MOSPD2: variants seen among roughly 807,000 people sequenced by gnomAD.
MOSPD2 encodes motile sperm domain containing 2.
Under a neutral mutation model 41.7 loss-of-function variants are expected in MOSPD2, and 5 were observed. That is an observed-to-expected ratio of 0.12 (90% CI 0.06 to 0.25). MOSPD2 has a LOEUF of 0.25. MOSPD2 is among the 10% of genes least tolerant of loss of function. The pLI is 1.00. For synonymous variants in MOSPD2, 115 were observed against 126.9 expected, an observed-to-expected ratio of 0.91 and a Z score of 0.63; for missense variants, 282 against 375.2, an observed-to-expected ratio of 0.75 and a Z score of 2.05.
intron 3 of MOSPD2, among the ~76,000 whole-genome samples, chrX:14,894,270 G>A (rs867481934): frequency 2.8e-5 from 3 of 106,298 alleles, no homozygotes; most frequent in Admixed American, 2.0e-4. Flanking sequence ...TAGCTGGGAC[G>A]ACAGGCATGT....
At chrX:14,889,183 T>A (rs1017343604) in intron 2 of MOSPD2, among the ~76,000 whole-genome samples, 1 of 110,897 alleles carries the variant, frequency 9.0e-6, no homozygotes. Context: ...GGAACCCTTA[T>A]GGCCTAATCA....
At chrX:14,889,628 C>G (rs997803609) in intron 2 of MOSPD2, among the ~76,000 whole-genome samples, 1 of 109,731 alleles carries the variant, frequency 9.1e-6, no homozygotes, top group Non-Finnish European at 1.9e-5. Flanking sequence ...GCCTAGCTGT[C>G]AAATCTTTGT....
chrX:14,918,269 C>T (rs747201445), intron 13 of MOSPD2, among the ~76,000 whole-genome samples: 19 of 111,714 alleles, frequency 1.7e-4, no homozygotes, highest in African/African-American at 5.8e-4. Flanking sequence ...TGATGGCTTG[C>T]TTTTCTATAA....
At chrX:14,899,045 A>G (rs1364900598) in intron 5 of MOSPD2, among the ~76,000 whole-genome samples, 3 of 106,582 alleles carry the variant, frequency 2.8e-5, no homozygotes, top group Admixed American at 1.0e-4. Flanking sequence ...AAGAAATGCA[A>G]TCATTTAAAA....
At chrX:14,893,577 T>A (rs779777576) in intron 3 of MOSPD2, among the ~76,000 whole-genome samples, 1 of 112,132 alleles carries the variant, frequency 8.9e-6, no homozygotes, top group African/African-American at 3.2e-5. Flanking sequence ...TGGCATAACT[T>A]CTGTTTTCAG....
Position 14,920,018 on chromosome X carries a change from G to A in MOSPD2, c.*209G>A, listed in dbSNP as rs2092606841. 1.1e-6 allele frequency: 1 copy of A among 901,966 alleles called. No homozygotes were observed. The highest frequency in any genetic ancestry group is 2.1e-5 in the African/African-American group (1 of 48,246). The allele number at this position is 901,966 out of a possible 1,213,427, so 74.3% of individuals were successfully genotyped here. ...GAGAAATTGATTATAAGAGACTATAGCTATTTAGTAAAGTAAGTAAAGGCA... is the reference window on the plus strand; with the variant it reads ...GAGAAATTGATTATAAGAGACTATAACTATTTAGTAAAGTAAGTAAAGGCA... On this transcript the variant is annotated 3_prime_UTR_variant, in exon 15 of 15. Coordinates refer to ENST00000380492, the MANE Select transcript of MOSPD2 (RefSeq NM_152581.4).
chrX:14,920,758 GGTTA>G lies in MOSPD2; in HGVS notation c.*953_*956del, dbSNP rs1269911324. The G allele has an allele frequency of 2.7e-6, 2 of 750,797 alleles. No individual in the cohort carries two copies. The highest frequency in any genetic ancestry group is 4.7e-5 in the African/African-American group (2 of 42,975). 61.9% of individuals were successfully genotyped at this position (750,797 alleles called of 1,213,427 possible). A position where few individuals can be genotyped will look rare whatever the true frequency, so the allele number is the denominator to read the frequency against. On this transcript the variant is annotated 3_prime_UTR_variant, in exon 15 of 15. Transcript: ENST00000380492. ...GTATTAGATATAAATTTTTTTGAAA[GGTTA>G]GTTGTTTGAGATGCTAAGCAGGATA...
At chrX:14,886,846 A>C (rs1270444798) in intron 2 of MOSPD2, among the ~76,000 whole-genome samples, 1 of 112,095 alleles carries the variant, frequency 8.9e-6, no homozygotes, top group African/African-American at 3.2e-5. Flanking sequence ...GCTGAAGTTG[A>C]AGAATCACTG....
At chrX:14,906,730 TA>T (rs927989989) in intron 7 of MOSPD2, among the ~76,000 whole-genome samples, 2 of 111,737 alleles carry the variant, frequency 1.8e-5, no homozygotes, top group Non-Finnish European at 3.8e-5. Flanking sequence ...AATGCAATGT[TA>T]AAAAGACAAG....
In MOSPD2 at chrX:14,922,024, A is replaced by G. The variant is rs887277321; in HGVS notation, c.*2215A>G. 2 of 111,609 alleles carry G rather than the reference A, an allele frequency of 1.8e-5. No homozygotes were observed. The highest frequency in any genetic ancestry group is 3.8e-5 in the Non-Finnish European group (2 of 53,165). The allele number at this position is 111,609 out of a possible 1,213,427, so 9.2% of individuals were successfully genotyped here. On this transcript the variant is annotated 3_prime_UTR_variant, in exon 15 of 15. Transcript: ENST00000380492. ...ACCTTGATCTGCAAGTAGCCTAAAA[A>G]TGCGATTGCTGGTAAACCTGGCCTC...
chrX:14,877,529 A>G (rs1341631677), intron 2 of MOSPD2, among the ~76,000 whole-genome samples: 1 of 109,080 alleles, frequency 9.2e-6, no homozygotes, highest in African/African-American at 3.3e-5. Flanking sequence ...TTTAATAGAG[A>G]TGCGGTTTCT....
At chrX:14,883,055 C>T (rs765670655) in intron 2 of MOSPD2, among the ~76,000 whole-genome samples, 1 of 110,239 alleles carries the variant, frequency 9.1e-6, no homozygotes, top group South Asian at 3.9e-4. Flanking sequence ...ATTAGCCGGT[C>T]GTGGTGGTGG....
At chrX:14,877,918 C>A (rs1416042575) in intron 2 of MOSPD2, among the ~76,000 whole-genome samples, 2 of 106,356 alleles carry the variant, frequency 1.9e-5, no homozygotes, top group African/African-American at 6.9e-5. Context: ...GTGGAGCTTG[C>A]AGTGAGCACA....
intron 2 of MOSPD2, among the ~76,000 whole-genome samples, chrX:14,876,370 A>G (rs2092520166): frequency 8.9e-6 from 1 of 112,078 alleles, no homozygotes; most frequent in African/African-American, 3.2e-5. Flanking sequence ...TTCCTAAAGG[A>G]AAATATTTAT....
chrX:14,911,212 C>T (rs1265480245), intron 8 of MOSPD2, 25 bp from the exon 9 acceptor site: 19 of 1,158,605 alleles, frequency 1.6e-5, no homozygotes, highest in Non-Finnish European at 1.9e-5. Flanking sequence ...ATTTAGTAGG[C>T]TCATGTGAAA....
At chrX:14,877,740 G>A (rs1401005112) in intron 2 of MOSPD2, among the ~76,000 whole-genome samples, 2 of 106,834 alleles carry the variant, frequency 1.9e-5, no homozygotes, top group Non-Finnish European at 3.9e-5. Context: ...TTGGGAGGCC[G>A]AGGCGGGTGG....
intron 5 of MOSPD2, 56 bp from the exon 6 acceptor site, chrX:14,900,519 G>C: frequency 1.7e-6 from 1 of 572,207 alleles, no homozygotes; most frequent in Non-Finnish European, 2.7e-6. Context: ...CTTTAGAAAT[G>C]TGCAATTTTA....
chrX:14,917,021 A>C (rs748235654), intron 13 of MOSPD2, among the ~76,000 whole-genome samples: 53 of 111,930 alleles, frequency 4.7e-4, no homozygotes, highest in Non-Finnish European at 7.9e-4. Flanking sequence ...CCCCCAGGGG[A>C]CATTTGTCAA....
intron 8 of MOSPD2, among the ~76,000 whole-genome samples, chrX:14,910,328 T>G (rs772778346): frequency 9.0e-6 from 1 of 111,327 alleles, no homozygotes; most frequent in Admixed American, 9.6e-5. Flanking sequence ...CTATTACAGT[T>G]TTTTACACAA....
Sources: gnomAD v4.1 joint callset for allele counts (sites outside exome capture counted in the v4.1 genomes callset) on GRCh38, gnomAD v4.1.1 for gene constraint, MANE v1.5 for transcripts, NCBI Gene and HGNC (gene_info 2026-07-23, HGNC 2026-07-21) for gene names.